The following MCM9 variants were observed in gnomAD, a reference collection of about 807,000 sequenced individuals.
MCM9 encodes minichromosome maintenance 9 homologous recombination repair factor.
In MCM9, 55 loss-of-function variants were observed where a neutral mutation model predicts 72.8. The ratio of observed to expected loss-of-function variants is 0.76; its 90% confidence interval spans 0.61 to 0.95. MCM9 has a LOEUF of 0.95. Among genes scored for constraint, MCM9 ranks in the 40% least tolerant of loss-of-function variants. The probability of loss-of-function intolerance (pLI) is 0.00; values close to 1 mark genes in which losing one functional copy is unlikely to be tolerated. For synonymous variants in MCM9, 480 were observed against 503.4 expected (o/e 0.95, Z 0.62); for missense variants, 1,279 against 1,377.0 (o/e 0.93, Z 1.13).
intron 13 of MCM9, among the ~76,000 whole-genome samples, chr6:118,822,517 G>C (rs1773884978): frequency 6.6e-6 from 1 of 152,176 alleles, no homozygotes; most frequent in Non-Finnish European, 1.5e-5. Context: ...GCACCAGCCT[G>C]ATGCCAGCAG....
chr6:118,885,464 A>C (rs563421263), intron 8 of MCM9, among the ~76,000 whole-genome samples: 6 of 152,170 alleles, frequency 3.9e-5, no homozygotes, highest in Non-Finnish European at 8.8e-5. Context: ...TCAAATTAGT[A>C]AAGTCAGGAA....
At chr6:118,843,460 C>T (rs1775538328) in intron 9 of MCM9, among the ~76,000 whole-genome samples, 1 of 150,810 alleles carries the variant, frequency 6.6e-6, no homozygotes, top group African/African-American at 2.4e-5. Flanking sequence ...GAAACCCTGT[C>T]TCTACTAAAA....
intron 8 of MCM9, among the ~76,000 whole-genome samples, chr6:118,861,736 C>T (rs143688246): frequency 0.15 from 22,269 of 152,098 alleles, 1,825 homozygotes; most frequent in Non-Finnish European, 0.2. Context: ...GACTGGTCCA[C>T]GGGTGGACCT....
chr6:118,815,389 G>A lies in MCM9; in HGVS notation c.2867C>T (p.Ser956Phe). 1 of 1,550,568 alleles carries A rather than the reference G, an allele frequency of 6.4e-7. No homozygotes were observed. Among genetic ancestry groups the A allele is most frequent in the East Asian group, 2.4e-5 (1 of 40,896 alleles). ...TGCGTCTCTTCTTGTTCTACGCTGGGAAATTTTAGGACTATGAACTGCTAT... is the reference window on the plus strand; with the variant it reads ...TGCGTCTCTTCTTGTTCTACGCTGGAAAATTTTAGGACTATGAACTGCTAT... Reference protein sequence around the residue: ...TKIAVHSPKISQRRTRRDAAL... With the variant: ...TKIAVHSPKIFQRRTRRDAAL... Residue 956 changes from serine (S) to phenylalanine (F), a missense_variant, in exon 14 of 14, where the codon TCC becomes TTC. By Grantham distance (155) the Ser-to-Phe change is radical (BLOSUM62 -2). Transcript: ENST00000619706.
At chr6:118,889,536 G>C (rs1778813927) in intron 8 of MCM9, among the ~76,000 whole-genome samples, 1 of 152,198 alleles carries the variant, frequency 6.6e-6, no homozygotes, top group Non-Finnish European at 1.5e-5. Flanking sequence ...GAGGGTTAGA[G>C]AGAAAAGGAT....
At chr6:118,893,110 ACT>A (rs1453195387) in intron 8 of MCM9, among the ~76,000 whole-genome samples, 3 of 152,186 alleles carry the variant, frequency 2.0e-5, no homozygotes, top group Admixed American at 6.5e-5. Flanking sequence ...TATACCACTT[ACT>A]AAATAGAAAC....
At chr6:118,867,106 G>T (rs1191855581) in intron 8 of MCM9, among the ~76,000 whole-genome samples, 2 of 151,710 alleles carry the variant, frequency 1.3e-5, no homozygotes, top group African/African-American at 4.8e-5. Flanking sequence ...AAAAAAGGGG[G>T]TGATAAAGAC....
rs150683623 is a variant in MCM9, at chr6:118,817,601, G to A, written c.1962-1307C>T. On this transcript the variant is annotated intron_variant, in intron 13 of 13. Transcript: ENST00000619706. ...GTAAATAGAGCTGCAATAAACATAC[G>A]TGTGCATGTGTCTTTACAGTAGAAT... 8.3e-3 allele frequency among the ~76,000 whole-genome samples: 1,267 copies of A among 152,228 alleles called. 24 individuals carry two copies. The highest frequency in any genetic ancestry group is 0.029 in the African/African-American group (1,221 of 41,546).
intron 6 of MCM9, among the ~76,000 whole-genome samples, chr6:118,913,958 TAAAAG>T (rs1237303491): frequency 6.6e-6 from 1 of 152,082 alleles, no homozygotes; most frequent in East Asian, 1.9e-4. Context: ...ACTGCCTAAA[TAAAAG>T]GAAGGTATTC....
At chr6:118,837,145 A>C (rs141477058) in intron 9 of MCM9, among the ~76,000 whole-genome samples, 213 of 152,252 alleles carry the variant, frequency 1.4e-3, no homozygotes, top group Admixed American at 8.8e-3. Context: ...GTAGTCATTC[A>C]GGAGCAGTTT....
intron 8 of MCM9, chr6:118,900,805 G>A: frequency 6.2e-7 from 1 of 1,613,866 alleles, no homozygotes; most frequent in Non-Finnish European, 8.5e-7. Flanking sequence ...TCTGCAGAAA[G>A]TGAAGAATAC....
At chr6:118,927,007 G>GA (rs1018517474) in intron 3 of MCM9, among the ~76,000 whole-genome samples, 2 of 151,594 alleles carry the variant, frequency 1.3e-5, no homozygotes, top group Non-Finnish European at 2.9e-5. Flanking sequence ...AAGGAGAATA[G>GA]AAAAAAAATA....
chr6:118,856,153 C>T (rs1776539598), intron 9 of MCM9, among the ~76,000 whole-genome samples: 1 of 152,148 alleles, frequency 6.6e-6, no homozygotes, highest in South Asian at 2.1e-4. Flanking sequence ...CACATTTATA[C>T]TTTACTTTTC....
chr6:118,895,585 C>T (rs993374450), intron 8 of MCM9, among the ~76,000 whole-genome samples: 1 of 151,984 alleles, frequency 6.6e-6, no homozygotes, highest in African/African-American at 2.4e-5. Flanking sequence ...TCCAAGAATT[C>T]TTGGTATTTT....
At chr6:118,874,450 A>G (rs1777813581) in intron 8 of MCM9, among the ~76,000 whole-genome samples, 1 of 152,072 alleles carries the variant, frequency 6.6e-6, no homozygotes, top group African/African-American at 2.4e-5. Flanking sequence ...CTTTATAAAG[A>G]CTCTCTACAA....
intron 13 of MCM9, among the ~76,000 whole-genome samples, chr6:118,823,227 C>T (rs373305976): frequency 9.2e-5 from 14 of 152,140 alleles, no homozygotes; most frequent in African/African-American, 3.1e-4. Context: ...AACCCAGGGC[C>T]CTGGTGGTGT....
rs1247930924 is a variant in MCM9 at position 118,815,005 on chromosome 6, C to T, written c.3251G>A (p.Arg1084Lys). 2 of 1,550,258 alleles carry T rather than the reference C, an allele frequency of 1.3e-6. No individual in the cohort carries two copies. The highest frequency in any genetic ancestry group is 1.7e-6 in the Non-Finnish European group (2 of 1,146,892). Residue 1084 changes from arginine (R) to lysine (K), a missense_variant, in exon 14 of 14, where the codon AGA becomes AAA. Arg to Lys is a conservative substitution (Grantham distance 26). Coordinates refer to ENST00000619706, the MANE Select transcript of MCM9 (RefSeq NM_017696.3). Reference sequence around the variant, plus strand: ...GGTTGTAGGAGGGGAGCTTGGGCCTCTCTCACCTCGGTTCTTCCTTTCAGG... The same window carrying T: ...GGTTGTAGGAGGGGAGCTTGGGCCTTTCTCACCTCGGTTCTTCCTTTCAGG... ...PPPERKNRGE[R>K]GPSSPPTTTA...
At chr6:118,826,454 T>C (rs1774172998) in intron 12 of MCM9, among the ~76,000 whole-genome samples, 162 bp from the exon 13 acceptor site, 1 of 151,760 alleles carries the variant, frequency 6.6e-6, no homozygotes, top group African/African-American at 2.4e-5. Flanking sequence ...TATAGTTCAC[T>C]CCCCCAGTTC....
Position 118,923,029 on chromosome 6 carries a change from C to CAA in MCM9, c.621+780_621+781dup, listed in dbSNP as rs780562520. Among the ~76,000 whole-genome samples the CAA allele has an allele frequency of 9.4e-3, 380 of 40,434 alleles. 1 individual carries two copies. The highest frequency in any genetic ancestry group is 0.011 in the East Asian group (17 of 1,614). 26.5% of individuals were successfully genotyped at this position (40,434 alleles called of 152,430 possible). A position where few individuals can be genotyped will look rare whatever the true frequency, so the allele number is the denominator to read the frequency against. ...CCTGGGCAACAGTGAAACTCCATCT[C>CAA]AAAAAAAAAAAAAAAAAAAAAAAGC... On this transcript the variant is annotated intron_variant, in intron 4 of 13. Transcript: ENST00000619706.
Sources: allele counts gnomAD v4.1 joint callset (sites outside exome capture counted in the v4.1 genomes callset), GRCh38; gene constraint gnomAD v4.1.1; transcripts MANE v1.5; gene names NCBI Gene and HGNC (gene_info 2026-07-23, HGNC 2026-07-21).